TBL1X: variants seen among roughly 807,000 people sequenced by gnomAD.
TBL1X encodes the protein transducin beta like 1 X-linked.
A neutral mutation model predicts 50.7 loss-of-function variants in TBL1X; 10 were observed. That is an observed-to-expected ratio of 0.20 (90% CI 0.12 to 0.33). The LOEUF (loss-of-function observed/expected upper bound fraction) is 0.33. Ranked by LOEUF, TBL1X falls within the 10% of genes least tolerant of loss-of-function variation. The pLI is 1.00. For missense variants in TBL1X, 340 were observed against 504.4 expected (o/e 0.67, Z 3.12); for synonymous variants, 190 against 214.7 (o/e 0.88, Z 1.01).
chrX:9,709,186 A>G, intron 13 of TBL1X, 62 bp from the exon 14 acceptor site: 2 of 1,124,312 alleles, frequency 1.8e-6, no homozygotes, highest in Non-Finnish European at 2.4e-6. Flanking sequence ...CCCCTGCTGG[A>G]AGGTGACCTC....
intron 6 of TBL1X, among the ~76,000 whole-genome samples, chrX:9,685,920 G>T (rs771580020): frequency 2.8e-5 from 3 of 109,006 alleles, no homozygotes; most frequent in East Asian, 2.9e-4. Context: ...ATGAGGTCTC[G>T]CTGGTCTTGA....
chrX:9,699,115 G>A (rs1266813825), intron 12 of TBL1X, among the ~76,000 whole-genome samples: 3 of 111,512 alleles, frequency 2.7e-5, no homozygotes, highest in African/African-American at 9.8e-5. Context: ...CGAGTAGCTG[G>A]GATTACAGGC....
chrX:9,554,988 T>A (rs1341233972), intron 2 of TBL1X, among the ~76,000 whole-genome samples: 1 of 112,470 alleles, frequency 8.9e-6, no homozygotes, highest in East Asian at 2.8e-4. Flanking sequence ...TCCAATCATA[T>A]AACCTGTGGT....
intron 2 of TBL1X, among the ~76,000 whole-genome samples, chrX:9,509,161 A>G (rs758148842): frequency 3.8e-3 from 404 of 106,494 alleles, no homozygotes; most frequent in African/African-American, 0.013. Flanking sequence ...GCCAAGGCGG[A>G]CGGATCACAA....
intron 15 of TBL1X, among the ~76,000 whole-genome samples, chrX:9,710,145 A>AG (rs34058620): frequency 0.28 from 29,195 of 103,232 alleles, 3,569 homozygotes; most frequent in East Asian, 0.69. Flanking sequence ...TGAGCCCAGG[A>AG]GATTGAGGCT....
In TBL1X at chrX:9,554,474, G is replaced by T. The variant is rs567489880; in HGVS notation, c.-131+52625G>T. 1.2e-4 allele frequency among the ~76,000 whole-genome samples: 13 copies of T among 111,704 alleles called. No individual in the cohort carries two copies. In the South Asian group the frequency reaches 4.8e-3, roughly 41 times the overall value. ...TTGATTCAATACAATTTATTGTTTG[G>T]GTATAATTTGAATTAGAAAGCCATT... is the stretch of plus-strand genomic sequence containing the variant. On this transcript the variant is annotated intron_variant, in intron 2 of 17. Coordinates refer to ENST00000645353, the MANE Select transcript of TBL1X (RefSeq NM_005647.4).
intron 2 of TBL1X, among the ~76,000 whole-genome samples, chrX:9,585,656 T>G (rs1001005039): frequency 1.8e-5 from 2 of 111,060 alleles, no homozygotes; most frequent in Non-Finnish European, 3.8e-5. Context: ...TCTGAAACTG[T>G]GGTGTTGTGG....
intron 7 of TBL1X, among the ~76,000 whole-genome samples, chrX:9,689,486 C>G (rs2083084411): frequency 8.9e-6 from 1 of 112,082 alleles, no homozygotes; most frequent in Non-Finnish European, 1.9e-5. Flanking sequence ...CTCTTACCAG[C>G]CTTCTATTGA....
At chrX:9,480,997 A>G (rs2081879357) in intron 1 of TBL1X, among the ~76,000 whole-genome samples, 1 of 111,706 alleles carries the variant, frequency 9.0e-6, no homozygotes, top group Non-Finnish European at 1.9e-5. Flanking sequence ...TGTTATCAGT[A>G]ATAATTATGA....
intron 1 of TBL1X, among the ~76,000 whole-genome samples, chrX:9,489,077 T>G (rs778303418): frequency 9.0e-6 from 1 of 111,376 alleles, no homozygotes; most frequent in South Asian, 3.8e-4. Context: ...CACTTGTGTA[T>G]TGAGGTCCTC....
At chrX:9,586,516 G>T (rs781482896) in intron 2 of TBL1X, among the ~76,000 whole-genome samples, 87 of 111,617 alleles carry the variant, frequency 7.8e-4, no homozygotes, top group African/African-American at 2.7e-3. Flanking sequence ...TTGTTGAATG[G>T]GCATAGAGTT....
chrX:9,697,874 A>G lies in TBL1X; in HGVS notation c.1114+445A>G, dbSNP rs187345475. ...TGAGACAGGAGGGTCACTTGAGCCC[A>G]GGGGTTCTAGACCAGCCTGGACAAC... On this transcript the variant is annotated intron_variant, in intron 12 of 17. Coordinates refer to ENST00000645353, the MANE Select transcript of TBL1X (RefSeq NM_005647.4). Among the ~76,000 whole-genome samples, 412 of 112,260 alleles carry G rather than the reference A, an allele frequency of 3.7e-3. 1 individual carries two copies. Among genetic ancestry groups the G allele is most frequent in the Non-Finnish European group, 6.4e-3 (340 of 53,232 alleles).
intron 1 of TBL1X, among the ~76,000 whole-genome samples, chrX:9,477,686 A>G (rs2081856832): frequency 8.9e-6 from 1 of 112,205 alleles, no homozygotes; most frequent in African/African-American, 3.2e-5. Flanking sequence ...GGTATAAATG[A>G]CATGCCACAA....
intron 2 of TBL1X, among the ~76,000 whole-genome samples, chrX:9,592,776 T>C (rs1050255613): frequency 8.9e-6 from 1 of 112,090 alleles, no homozygotes; most frequent in African/African-American, 3.2e-5. Context: ...TCAAAGTCCA[T>C]CCGTGTTATA....
chrX:9,504,194 A>G (rs776805212), intron 2 of TBL1X, among the ~76,000 whole-genome samples: 2 of 111,725 alleles, frequency 1.8e-5, no homozygotes, highest in East Asian at 5.6e-4. Flanking sequence ...CAGCAGCCCT[A>G]CAGAAGAGGG....
At chrX:9,590,480 CA>C (rs2082494430) in intron 2 of TBL1X, among the ~76,000 whole-genome samples, 1 of 111,592 alleles carries the variant, frequency 9.0e-6, no homozygotes, top group African/African-American at 3.3e-5. Context: ...TAAGTTTTTT[CA>C]GTTCGGATTC....
chrX:9,468,980 A>AT (rs1346183455), intron 1 of TBL1X, among the ~76,000 whole-genome samples: 2 of 109,110 alleles, frequency 1.8e-5, no homozygotes. Flanking sequence ...ATACCTGGCA[A>AT]TTTTTTTATT....
At chrX:9,520,439 C>A (rs2082101558) in intron 2 of TBL1X, among the ~76,000 whole-genome samples, 2 of 111,029 alleles carry the variant, frequency 1.8e-5, no homozygotes, top group Non-Finnish European at 3.8e-5. Context: ...GGCTAGAGAC[C>A]AGGGAGATGG....
chrX:9,689,867 T>C (rs750489570), intron 7 of TBL1X, among the ~76,000 whole-genome samples: 1 of 112,478 alleles, frequency 8.9e-6, no homozygotes, highest in African/African-American at 3.2e-5. Flanking sequence ...AACACCAACA[T>C]TGAAGAGTCC....
Sources: allele counts gnomAD v4.1 joint callset (sites outside exome capture counted in the v4.1 genomes callset), GRCh38; gene constraint gnomAD v4.1.1; transcripts MANE v1.5; gene names NCBI Gene and HGNC (gene_info 2026-07-23, HGNC 2026-07-21).